The following PRDM4 variants were observed in gnomAD, a reference collection of about 807,000 sequenced individuals.
PRDM4 encodes PR/SET domain 4, also known as PR domain zinc finger protein 4.
A neutral mutation model predicts 62.3 loss-of-function variants in PRDM4; 38 were observed. The observed-to-expected ratio is 0.61, with a 90% CI of 0.47 to 0.80. The LOEUF (loss-of-function observed/expected upper bound fraction) is 0.80. Among genes scored for constraint, PRDM4 ranks in the 30% least tolerant of loss-of-function variants. The pLI is 0.00. For missense variants in PRDM4, 858 were observed against 997.1 expected (o/e 0.86, Z 1.88); for synonymous variants, 339 against 348.2 (o/e 0.97, Z 0.30).
chr12:107,751,055 A>C (rs1204283857), intron 5 of PRDM4, among the ~76,000 whole-genome samples: 2 of 152,098 alleles, frequency 1.3e-5, no homozygotes, highest in Non-Finnish European at 2.9e-5. Flanking sequence ...GGATCACAGA[A>C]CACTATAGCC....
At position 107,744,556 on chromosome 12, in the gene PRDM4, T is replaced by C; in HGVS notation, c.1382A>G (p.Asn461Ser). ...EVAEWTDKAV[N>S]HIWKIYHNGV... is the part of the protein sequence containing the mutation. The stretch of plus-strand genomic sequence containing the variant: ...ATCAGGACTGACCTTCCAGATATGG[T>C]TAACTGCCTTGTCTGTCCATTCTGC... The change falls in exon 7 of 12, where the codon AAC becomes AGC. Residue 461 changes from asparagine to serine, a missense_variant. Around this residue, in one of 3 missense-constraint regions of PRDM4, gnomAD observed 355 missense variants for 432.6 expected, o/e 0.82. Transcript: ENST00000228437. 6.2e-7 allele frequency: 1 copy of C among 1,613,524 alleles called. No individual in the cohort carries two copies. The highest frequency in any genetic ancestry group is 1.1e-5 in the South Asian group (1 of 91,056).
intron 7 of PRDM4, among the ~76,000 whole-genome samples, chr12:107,743,645 C>T (rs892875892): frequency 6.6e-6 from 1 of 152,226 alleles, no homozygotes; most frequent in Non-Finnish European, 1.5e-5. Flanking sequence ...AGGATCATCC[C>T]TTGTCATGAT....
chr12:107,744,701 A>G, intron 6 of PRDM4, 40 bp from the exon 7 acceptor site: 1 of 1,607,738 alleles, frequency 6.2e-7, no homozygotes, highest in Non-Finnish European at 8.5e-7. Context: ...TCAATGATTT[A>G]AACAGCAAGA....
At chr12:107,745,272 A>C (rs1393957276) in intron 6 of PRDM4, among the ~76,000 whole-genome samples, 1 of 152,168 alleles carries the variant, frequency 6.6e-6, no homozygotes, top group Non-Finnish European at 1.5e-5. Flanking sequence ...ATTATTTTGG[A>C]GTTAAATATA....
At position 107,733,457 on chromosome 12, in the gene PRDM4, G is replaced by A. The variant is rs1196429190; in HGVS notation, c.*753C>T. ...GCTGGATGTTTACTGGAGACAGGGA[G>A]CCATGTCTAAACCTACAAAGATCTC... On this transcript the variant is annotated 3_prime_UTR_variant, in exon 12 of 12. Transcript: ENST00000228437. 1 of 152,120 alleles carries A rather than the reference G, an allele frequency of 6.6e-6. No individual in the cohort carries two copies. Among genetic ancestry groups the A allele is most frequent in the African/African-American group, 2.4e-5 (1 of 41,402 alleles). 9.4% of individuals were successfully genotyped at this position (152,120 alleles called of 1,614,324 possible).
Position 107,742,298 on chromosome 12 carries a change from A to G in PRDM4, c.1532T>C (p.Phe511Ser). 2 of 1,613,638 alleles carry G rather than the reference A, an allele frequency of 1.2e-6. No individual in the cohort carries two copies. The highest frequency in any genetic ancestry group is 1.7e-6 in the Non-Finnish European group (2 of 1,179,650). The change falls in exon 9 of 12, where the codon TTT becomes TCT. Residue 511 changes from phenylalanine (F) to serine (S), a missense_variant. Phe to Ser is a radical substitution (Grantham distance 155). This residue lies in a region of PRDM4 where 355 missense variants were observed against 432.6 expected (regional missense o/e 0.82). Coordinates refer to ENST00000228437, the MANE Select transcript of PRDM4 (RefSeq NM_012406.4). ...LVAYPHDGKI[F>S]FCTSQDIPPE... The stretch of plus-strand genomic sequence containing the variant: ...AGGGATATCTTGTGAGGTGCAGAAA[A>G]AGATTTTTCCATCATGAGGATAAGC...
At position 107,742,309 on chromosome 12, in the gene PRDM4, A is replaced by G. The variant is rs755637655; in HGVS notation, c.1521T>C (p.Asp507=). ...EEQNLVAYPH[D]GKIFFCTSQD... ...GTGAGGTGCAGAAAAAGATTTTTCC[A>G]TCATGAGGATAAGCCACCAAATTCT... The change falls in exon 9 of 12, where the codon GAT becomes GAC. Residue 507 remains aspartate, a synonymous_variant. Coordinates refer to ENST00000228437, the MANE Select transcript of PRDM4 (RefSeq NM_012406.4). The G allele has an allele frequency of 1.8e-5, 29 of 1,613,576 alleles. No homozygotes were observed. The highest frequency in any genetic ancestry group is 2.3e-5 in the Non-Finnish European group (27 of 1,179,708).
At chr12:107,751,300 C>G (rs1890884011) in intron 5 of PRDM4, 115 bp downstream of exon 5, 1 of 1,090,220 alleles carries the variant, frequency 9.2e-7, no homozygotes, top group East Asian at 2.6e-5. Context: ...AAGAAAAGTT[C>G]CAAGGTCTAG....
intron 7 of PRDM4, 118 bp from the exon 8 acceptor site, chr12:107,743,400 G>T (rs772839376): frequency 4.5e-6 from 3 of 669,532 alleles, no homozygotes; most frequent in Middle Eastern, 2.5e-4. Flanking sequence ...AGCTTTCTTA[G>T]TGGGAAAATA....
intron 11 of PRDM4, among the ~76,000 whole-genome samples, chr12:107,738,741 G>A (rs1227850686): frequency 6.6e-6 from 1 of 152,076 alleles, no homozygotes; most frequent in Non-Finnish European, 1.5e-5. Flanking sequence ...TAACAGAATG[G>A]GTATGTCACT....
At position 107,733,923 on chromosome 12, in the gene PRDM4, C is replaced by A. The variant is rs886434000; in HGVS notation, c.*287G>T. 1.2e-5 allele frequency: 4 copies of A among 332,316 alleles called. No individual in the cohort carries two copies. The highest frequency in any genetic ancestry group is 1.6e-5 in the Non-Finnish European group (3 of 183,230). The allele number at this position is 332,316 out of a possible 1,614,324, so 20.6% of individuals were successfully genotyped here. A position where few individuals can be genotyped will look rare whatever the true frequency, so the allele number is the denominator to read the frequency against. On this transcript the variant is annotated 3_prime_UTR_variant, in exon 12 of 12. Coordinates refer to ENST00000228437, the MANE Select transcript of PRDM4 (RefSeq NM_012406.4). ...GAGCAGAAGGCAGCTTTGATTCAGG[C>A]ATAAATGCATCTCCCAGATTATCAT...
At position 107,760,956 on chromosome 12, in the gene PRDM4, C is replaced by G. The variant is rs1198063469; in HGVS notation, c.-257+1G>C. 6.8e-6 allele frequency: 1 copy of G among 147,546 alleles called. No homozygotes were observed. The highest frequency in any genetic ancestry group is 6.7e-5 in the Admixed American group (1 of 14,882). 9.1% of individuals were successfully genotyped at this position (147,546 alleles called of 1,614,324 possible). On this transcript the variant is annotated splice_donor_variant, in intron 1 of 11. Transcript: ENST00000228437. LOFTEE classifies it low-confidence loss of function (5UTR_SPLICE). ...TCCGGCCGGGCCCGCGCGCAGCCCA[C>G]CTGCCAGCTGCGCTGGGGGCGCACG...
In PRDM4 at chr12:107,760,703, C is replaced by T; in HGVS notation, c.-188G>A. On this transcript the variant is annotated 5_prime_UTR_variant, in exon 2 of 12. In the 5' UTR this introduces an upstream ATG that the reference lacks. Coordinates refer to ENST00000228437, the MANE Select transcript of PRDM4 (RefSeq NM_012406.4). ...GGGCCGGTGGCCGTGCACCCCGCCA[C>T]GGGTTGGGGCATCTCGGGGAACACC... 1.6e-6 allele frequency: 1 copy of T among 631,012 alleles called. No homozygotes were observed. Among genetic ancestry groups the T allele is most frequent in the East Asian group, 3.0e-5 (1 of 33,632 alleles). 39.1% of individuals were successfully genotyped at this position (631,012 alleles called of 1,614,324 possible). A position where few individuals can be genotyped will look rare whatever the true frequency, so the allele number is the denominator to read the frequency against.
At chr12:107,743,708 C>T (rs1226100876) in intron 7 of PRDM4, among the ~76,000 whole-genome samples, 2 of 152,228 alleles carry the variant, frequency 1.3e-5, no homozygotes, top group African/African-American at 4.8e-5. Flanking sequence ...GACAGTGGTA[C>T]CTTACCTTTC....
chr12:107,747,493 A>T (rs942807853), intron 5 of PRDM4, among the ~76,000 whole-genome samples: 1 of 152,182 alleles, frequency 6.6e-6, no homozygotes, highest in African/African-American at 2.4e-5. Flanking sequence ...GGGCAGAAGA[A>T]TTGTATTCTT....
chr12:107,739,901 G>A (rs1441193483), intron 10 of PRDM4, among the ~76,000 whole-genome samples: 4 of 149,492 alleles, frequency 2.7e-5, no homozygotes, highest in Non-Finnish European at 4.4e-5. Context: ...ATTCTAGGAC[G>A]TGTCTATAGG....
rs1228353801 is a variant in PRDM4, at chr12:107,733,999, A to C, written c.*211T>G. On this transcript the variant is annotated 3_prime_UTR_variant, in exon 12 of 12. Coordinates refer to ENST00000228437, the MANE Select transcript of PRDM4 (RefSeq NM_012406.4). ...ACTTCCCTCCCAGTCCACCACTTAA[A>C]ACAGGACACATGCTCAGTTTTCCCA... 3.7e-6 allele frequency: 2 copies of C among 538,492 alleles called. No individual in the cohort carries two copies. Among genetic ancestry groups the C allele is most frequent in the Non-Finnish European group, 6.4e-6 (2 of 313,692 alleles). The allele number at this position is 538,492 out of a possible 1,614,324, so 33.4% of individuals were successfully genotyped here.
intron 2 of PRDM4, among the ~76,000 whole-genome samples, chr12:107,758,622 A>G (rs557638800): frequency 1.4e-4 from 21 of 152,330 alleles, no homozygotes; most frequent in African/African-American, 5.1e-4. Context: ...ATAGTAAGAA[A>G]AAGACAATTA....
chr12:107,756,725 CCCTTCTA>C (rs1309381301), intron 3 of PRDM4, 100 bp downstream of exon 3: 25 of 1,345,972 alleles, frequency 1.9e-5, no homozygotes, highest in South Asian at 2.9e-5. Context: ...CTTACCTTCT[CCCTTCTA>C]CCTTCTACCC....
Sources: gnomAD v4.1 joint callset for allele counts (sites outside exome capture counted in the v4.1 genomes callset) on GRCh38, gnomAD v4.1.1 for gene constraint, gnomAD v4.1.1 regional missense constraint, MANE v1.5 for transcripts, NCBI Gene and HGNC (gene_info 2026-07-23, HGNC 2026-07-21) for gene names.